Variants in EDA observed in about 807,000 individuals in gnomAD.
EDA encodes ectodysplasin A.
EDA carries 2 observed loss-of-function variants against 23.6 expected under a neutral mutation model. The ratio of observed to expected loss-of-function variants is 0.08; its 90% CI spans 0.03 to 0.27. EDA has a LOEUF of 0.27. Ranked by LOEUF, EDA falls within the 10% of genes least tolerant of loss-of-function variation. The pLI, the probability that EDA is intolerant of heterozygous loss-of-function variation, is 1.00. For synonymous variants in EDA, 131 were observed against 132.0 expected, an observed-to-expected ratio of 0.99 and a Z score of 0.05; for missense variants, 229 against 324.2, an observed-to-expected ratio of 0.71 and a Z score of 2.26.
At chrX:69,751,484 C>G (rs769423692) in intron 1 of EDA, among the ~76,000 whole-genome samples, 1 of 112,025 alleles carries the variant, frequency 8.9e-6, no homozygotes, top group South Asian at 3.6e-4. Flanking sequence ...GTTCTTTTTG[C>G]TTAGGATTGT....
intron 1 of EDA, among the ~76,000 whole-genome samples, chrX:69,856,257 GT>G (rs1275821886): frequency 1.1e-4 from 9 of 79,241 alleles, no homozygotes; most frequent in South Asian, 6.2e-4. Flanking sequence ...ATTCCATGGT[GT>G]GTGTGTGTGT....
At chrX:69,924,205 AT>A (rs1569374522) in intron 1 of EDA, among the ~76,000 whole-genome samples, 1 of 111,613 alleles carries the variant, frequency 9.0e-6, no homozygotes, top group African/African-American at 3.3e-5. Flanking sequence ...TTTTGTTGCA[AT>A]TGCTTTTGGC....
chrX:69,957,885 T>C (rs1025908721), intron 2 of EDA, among the ~76,000 whole-genome samples: 8 of 112,097 alleles, frequency 7.1e-5, no homozygotes, highest in African/African-American at 2.6e-4. Flanking sequence ...TGCCCAAATC[T>C]GAACTAGACC....
intron 1 of EDA, among the ~76,000 whole-genome samples, chrX:69,795,625 G>A (rs1203541995): frequency 1.8e-5 from 2 of 113,058 alleles, no homozygotes; most frequent in Non-Finnish European, 3.7e-5. Flanking sequence ...TACAAGCAAG[G>A]TGCAGACTAC....
Position 69,794,537 on chromosome X carries a change from A to G in EDA, c.397-162490A>G, listed in dbSNP as rs765365697. Among the ~76,000 whole-genome samples, 5 of 112,401 alleles carry G rather than the reference A, an allele frequency of 4.4e-5. No individual in the cohort carries two copies. The East Asian group carries it at 1.4e-3, about 31-fold the overall frequency. ...CTGATACAACACTATTAACTGAATG[A>G]CAGACACTTTTTGTATTTTATCAGT... On this transcript the variant is annotated intron_variant, in intron 1 of 7. Coordinates refer to ENST00000374552, the MANE Select transcript of EDA (RefSeq NM_001399.5).
chrX:69,987,116 G>A (rs1229913922), intron 2 of EDA, among the ~76,000 whole-genome samples: 3 of 79,522 alleles, frequency 3.8e-5, no homozygotes, highest in African/African-American at 1.5e-4. Context: ...ACACTCTGGG[G>A]ACTGTGGTGG....
chrX:69,974,024 AAT>A (rs746330034), intron 2 of EDA, among the ~76,000 whole-genome samples: 145 of 107,135 alleles, frequency 1.4e-3, no homozygotes, highest in African/African-American at 4.5e-3. Flanking sequence ...ACTAACTTTA[AAT>A]ATATATATAT....
intron 1 of EDA, among the ~76,000 whole-genome samples, chrX:69,780,320 T>C (rs1380404010): frequency 8.9e-6 from 1 of 111,862 alleles, no homozygotes; most frequent in African/African-American, 3.2e-5. Flanking sequence ...GCCCACTGCC[T>C]GTCTTTGTAG....
chrX:69,843,873 T>A (rs987919983), intron 1 of EDA, among the ~76,000 whole-genome samples: 1 of 108,832 alleles, frequency 9.2e-6, no homozygotes, highest in Non-Finnish European at 1.9e-5. Context: ...ATACAAAAAA[T>A]TAGCCGAGCG....
intron 1 of EDA, among the ~76,000 whole-genome samples, chrX:69,858,812 A>C (rs1376543391): frequency 1.8e-5 from 2 of 111,204 alleles, no homozygotes; most frequent in Non-Finnish European, 3.8e-5. Context: ...CATGAAACCA[A>C]CTCTTCTTTG....
intron 1 of EDA, among the ~76,000 whole-genome samples, chrX:69,829,129 C>T (rs2016542446): frequency 1.8e-5 from 2 of 112,312 alleles, no homozygotes; most frequent in African/African-American, 6.5e-5. Flanking sequence ...TTCCGTCTTT[C>T]CTCACTTAGA....
chrX:69,640,359 A>C (rs1178561415), intron 1 of EDA, among the ~76,000 whole-genome samples: 1 of 112,141 alleles, frequency 8.9e-6, no homozygotes, highest in African/African-American at 3.2e-5. Flanking sequence ...TGTTCAGTAC[A>C]CTTCCTGGCA....
chrX:69,854,791 A>AG lies in EDA; in HGVS notation c.397-102235dup, dbSNP rs766939256. ...ATACGCATGCATGTGTCTTTATAAT[A>AG]GAACAATTTATATTCCTTTGGGTAT... is the stretch of plus-strand genomic sequence containing the variant. On this transcript the variant is annotated intron_variant, in intron 1 of 7. Coordinates refer to ENST00000374552, the MANE Select transcript of EDA (RefSeq NM_001399.5). Among the ~76,000 whole-genome samples, 70 of 112,116 alleles carry AG rather than the reference A, an allele frequency of 6.2e-4. No individual in the cohort carries two copies. In the East Asian group the frequency reaches 0.018, roughly 28 times the overall value.
intron 7 of EDA, among the ~76,000 whole-genome samples, chrX:70,034,123 G>A (rs185245560): frequency 5.9e-4 from 66 of 110,962 alleles, no homozygotes; most frequent in African/African-American, 2.0e-3. Flanking sequence ...CCCTGGGCCC[G>A]CTCCCCAAGT....
At chrX:69,776,891 A>G (rs898173300) in intron 1 of EDA, among the ~76,000 whole-genome samples, 3 of 111,663 alleles carry the variant, frequency 2.7e-5, no homozygotes, top group Non-Finnish European at 5.7e-5. Context: ...TGTTTTAAAA[A>G]TGATTTTCAA....
At chrX:69,834,729 G>T (rs1390624528) in intron 1 of EDA, among the ~76,000 whole-genome samples, 1 of 111,122 alleles carries the variant, frequency 9.0e-6, no homozygotes, top group Non-Finnish European at 1.9e-5. Flanking sequence ...GGTTAATATT[G>T]TTATGTGTGA....
intron 1 of EDA, among the ~76,000 whole-genome samples, chrX:69,724,670 AT>A (rs1354120056): frequency 1.8e-5 from 2 of 111,992 alleles, no homozygotes; most frequent in Non-Finnish European, 3.8e-5. Flanking sequence ...TATTTTAGGT[AT>A]CTTTGTGGGA....
intron 1 of EDA, among the ~76,000 whole-genome samples, chrX:69,898,359 G>A (rs2018049549): frequency 9.0e-6 from 1 of 111,209 alleles, no homozygotes; most frequent in African/African-American, 3.3e-5. Context: ...GCTCATTTGA[G>A]GTCAGGAGTT....
At chrX:69,956,911 GC>G in intron 1 of EDA, 115 bp from the exon 2 acceptor site, 2 of 614,782 alleles carry the variant, frequency 3.3e-6, no homozygotes, top group Non-Finnish European at 5.5e-6. Flanking sequence ...ATGGGCTCAG[GC>G]TTTAGACACA....
Sources: gnomAD v4.1 joint callset for allele counts (sites outside exome capture counted in the v4.1 genomes callset) on GRCh38, gnomAD v4.1.1 for gene constraint, MANE v1.5 for transcripts, NCBI Gene and HGNC (gene_info 2026-07-23, HGNC 2026-07-21) for gene names.